The following CTNND2 variants were observed in gnomAD, a reference collection of about 807,000 sequenced individuals.
CTNND2 encodes the protein catenin delta-2.
In CTNND2, 22 loss-of-function variants were observed where a neutral mutation model predicts 144.4. That is an observed-to-expected ratio of 0.15 (90% CI 0.11 to 0.22). CTNND2 has a LOEUF of 0.22. Among genes scored for constraint, CTNND2 ranks in the 10% least tolerant of loss-of-function variants. CTNND2 has a pLI of 1.00. For missense variants in CTNND2, 1,353 were observed against 1,618.8 expected (o/e 0.84, Z 2.82); for synonymous variants, 751 against 695.6 (o/e 1.08, Z -1.25).
chr5:11,011,358 C>T (rs1407907114), intron 18 of CTNND2, among the ~76,000 whole-genome samples: 1 of 151,978 alleles, frequency 6.6e-6, no homozygotes, highest in South Asian at 2.1e-4. Context: ...GGATTACAGG[C>T]GGATTGCACT....
At chr5:11,233,950 C>T (rs1472577146) in intron 10 of CTNND2, among the ~76,000 whole-genome samples, 2 of 152,284 alleles carry the variant, frequency 1.3e-5, no homozygotes, top group Admixed American at 1.3e-4. Context: ...CCTTCCTTCT[C>T]ATCCCAGCCT....
intron 1 of CTNND2, among the ~76,000 whole-genome samples, chr5:11,734,485 G>C (rs1021908498): frequency 6.6e-6 from 1 of 152,170 alleles, no homozygotes; most frequent in Non-Finnish European, 1.5e-5. Flanking sequence ...TGAAGTATTT[G>C]TTACATGTAT....
intron 2 of CTNND2, among the ~76,000 whole-genome samples, chr5:11,682,800 T>C (rs753949799): frequency 3.3e-5 from 5 of 152,156 alleles, no homozygotes; most frequent in African/African-American, 1.2e-4. Flanking sequence ...CCAAGAGGCT[T>C]CTTAGATTGG....
intron 1 of CTNND2, among the ~76,000 whole-genome samples, chr5:11,808,274 C>A (rs889848105): frequency 1.3e-5 from 2 of 152,190 alleles, no homozygotes; most frequent in African/African-American, 4.8e-5. Context: ...TGAACTCCCA[C>A]CACCTGCAGA....
chr5:10,973,939 T>C lies in CTNND2; in HGVS notation c.3418-226A>G, dbSNP rs998246532. On this transcript the variant is annotated intron_variant, in intron 21 of 21. Transcript: ENST00000304623. This position sits in a 1 kb window ranked among gnomAD's most constrained non-coding sequence, Gnocchi z 5.6. Reference sequence around the variant, plus strand: ...CTACATAATCTTTATCATGGCAAAATATACATAACATAAAACAGCTTGCTT... The same window carrying C: ...CTACATAATCTTTATCATGGCAAAACATACATAACATAAAACAGCTTGCTT... 1.3e-5 allele frequency among the ~76,000 whole-genome samples: 2 copies of C among 152,198 alleles called. No individual in the cohort carries two copies. The highest frequency in any genetic ancestry group is 4.8e-5 in the African/African-American group (2 of 41,440).
intron 1 of CTNND2, among the ~76,000 whole-genome samples, chr5:11,893,209 G>A (rs1375374540): frequency 6.6e-6 from 1 of 152,182 alleles, no homozygotes; most frequent in Non-Finnish European, 1.5e-5. Context: ...TGCATTTTAA[G>A]AGAATCGGCA....
chr5:11,336,540 CTT>C (rs1053752638), intron 9 of CTNND2, among the ~76,000 whole-genome samples: 16 of 152,174 alleles, frequency 1.1e-4, no homozygotes, highest in African/African-American at 3.4e-4. Context: ...AAAATCAACA[CTT>C]TGTTACTGTG....
intron 3 of CTNND2, among the ~76,000 whole-genome samples, chr5:11,560,963 A>G (rs970400640): frequency 6.6e-6 from 1 of 152,184 alleles, no homozygotes; most frequent in Non-Finnish European, 1.5e-5. Context: ...GAATGCTGTT[A>G]TAAGGTTAAC....
At chr5:11,690,876 G>A (rs905352218) in intron 2 of CTNND2, among the ~76,000 whole-genome samples, 5 of 149,048 alleles carry the variant, frequency 3.4e-5, no homozygotes. Flanking sequence ...GGCTTAATAT[G>A]AAATTAATAA....
At chr5:11,379,071 T>C (rs1758224002) in intron 7 of CTNND2, among the ~76,000 whole-genome samples, 1 of 152,210 alleles carries the variant, frequency 6.6e-6, no homozygotes, top group Non-Finnish European at 1.5e-5. Flanking sequence ...AATGCATGTC[T>C]ACAACTCGTA....
At chr5:11,510,595 A>T (rs1190658914) in intron 3 of CTNND2, among the ~76,000 whole-genome samples, 1 of 152,240 alleles carries the variant, frequency 6.6e-6, no homozygotes, top group Non-Finnish European at 1.5e-5. Flanking sequence ...TTACATAAGA[A>T]ACATAATTCA....
chr5:11,719,482 G>A (rs1366201838), intron 2 of CTNND2, among the ~76,000 whole-genome samples: 1 of 152,168 alleles, frequency 6.6e-6, no homozygotes, highest in African/African-American at 2.4e-5. Context: ...TAAATTGTCT[G>A]TTGTTATAGA....
intron 2 of CTNND2, among the ~76,000 whole-genome samples, chr5:11,726,416 AG>A (rs1407527338): frequency 6.6e-6 from 1 of 152,192 alleles, no homozygotes; most frequent in Non-Finnish European, 1.5e-5. Flanking sequence ...TCATATAAAA[AG>A]TCTGGAAGGA....
chr5:11,735,225 C>T (rs1787615644), intron 1 of CTNND2, among the ~76,000 whole-genome samples: 1 of 152,178 alleles, frequency 6.6e-6, no homozygotes, highest in Non-Finnish European at 1.5e-5. Flanking sequence ...TTAGGAAGAA[C>T]ATAATAAAGC....
intron 13 of CTNND2, among the ~76,000 whole-genome samples, chr5:11,114,409 A>G (rs11133642): frequency 0.14 from 21,658 of 152,044 alleles, 2,440 homozygotes; most frequent in East Asian, 0.45. Flanking sequence ...GGGAAAGAAG[A>G]TCACAGGGAC....
intron 2 of CTNND2, among the ~76,000 whole-genome samples, chr5:11,698,294 T>A (rs111805161): frequency 0.053 from 7,840 of 147,836 alleles, 262 homozygotes; most frequent in Non-Finnish European, 0.068. Flanking sequence ...TATTATTTTT[T>A]TTTTTTTTTT....
At chr5:11,106,160 TGA>T (rs1448349367) in intron 14 of CTNND2, among the ~76,000 whole-genome samples, 2 of 152,212 alleles carry the variant, frequency 1.3e-5, no homozygotes, top group Admixed American at 1.3e-4. Context: ...GTTTGCGTAT[TGA>T]GAGTCTTAAA....
At chr5:11,128,657 A>C (rs1282501842) in intron 12 of CTNND2, among the ~76,000 whole-genome samples, 1 of 139,076 alleles carries the variant, frequency 7.2e-6, no homozygotes, top group African/African-American at 2.7e-5. Context: ...GGGCACATGC[A>C]AGTTTCAAGA....
chr5:11,893,091 C>T (rs1386107870), intron 1 of CTNND2, among the ~76,000 whole-genome samples: 1 of 152,184 alleles, frequency 6.6e-6, no homozygotes, highest in African/African-American at 2.4e-5. Context: ...CTGTAAAATG[C>T]ATGATTTATC....
Sources: allele counts gnomAD v4.1 joint callset (sites outside exome capture counted in the v4.1 genomes callset), GRCh38; gene constraint gnomAD v4.1.1; non-coding constraint Gnocchi (gnomAD v3.1); transcripts MANE v1.5; gene names NCBI Gene and HGNC (gene_info 2026-07-23, HGNC 2026-07-21).